ZDHHC18: variants seen among roughly 807,000 people sequenced by gnomAD.
ZDHHC18 encodes the protein palmitoyltransferase ZDHHC18.
Under a neutral mutation model 37.5 loss-of-function variants are expected in ZDHHC18, and 23 were observed. The ratio of observed to expected loss-of-function variants is 0.61; its 90% CI spans 0.44 to 0.87. The LOEUF (loss-of-function observed/expected upper bound fraction) is 0.87, where lower values mean the gene tolerates loss of function less well. Among genes scored for constraint, ZDHHC18 ranks in the 40% least tolerant of loss-of-function variants. ZDHHC18 has a pLI of 0.00. For missense variants in ZDHHC18, 406 were observed against 525.6 expected (o/e 0.77, Z 2.22); for synonymous variants, 185 against 218.7 (o/e 0.85, Z 1.36).
chr1:26,835,223 A>ACAG (rs1557641036), intron 2 of ZDHHC18, among the ~76,000 whole-genome samples: 1 of 152,232 alleles, frequency 6.6e-6, no homozygotes, highest in East Asian at 1.9e-4. Flanking sequence ...TAGGGATATT[A>ACAG]GAGATATTCC....
chr1:26,832,561 G>T lies in ZDHHC18; in HGVS notation c.450G>T (p.Leu150=), dbSNP rs1447466300. 3 of 1,614,156 alleles carry T rather than the reference G, an allele frequency of 1.9e-6. No individual in the cohort carries two copies. The highest frequency in any genetic ancestry group is 2.5e-6 in the Non-Finnish European group (3 of 1,180,020). The part of the protein sequence containing the change: ...LQTSFTDPGI[L]PRATVCEAAA... ...CAAGCTTCACCGACCCTGGGATCCTGCCCCGGGCCACTGTCTGTGAAGCAG... is the reference window on the plus strand; with the variant it reads ...CAAGCTTCACCGACCCTGGGATCCTTCCCCGGGCCACTGTCTGTGAAGCAG... The change falls in exon 2 of 8, where the codon CTG becomes CTT. Residue 150 remains leucine (L), a synonymous_variant. Transcript: ENST00000374142.
intron 2 of ZDHHC18, among the ~76,000 whole-genome samples, chr1:26,846,574 G>A (rs909246313): frequency 4.0e-5 from 6 of 151,312 alleles, no homozygotes; most frequent in Non-Finnish European, 8.8e-5. Flanking sequence ...GCCTGCCTCG[G>A]CCTCCCAAAG....
At position 26,834,155 on chromosome 1, in the gene ZDHHC18, A is replaced by G. The variant is rs537940045; in HGVS notation, c.496+1548A>G. ...TCAGGGCTAATCATGAGGCAGGATT[A>G]TTGTCCAGCTCAGCCGGACCCAGAG... is the stretch of plus-strand genomic sequence containing the variant. On this transcript the variant is annotated intron_variant, in intron 2 of 7. Transcript: ENST00000374142. 1.3e-4 allele frequency among the ~76,000 whole-genome samples: 20 copies of G among 152,288 alleles called. No homozygotes were observed. The South Asian group carries it at 4.1e-3, about 32-fold the overall frequency.
chr1:26,848,803 A>T (rs1220733711), intron 3 of ZDHHC18, 46 bp downstream of exon 3: 2 of 1,590,804 alleles, frequency 1.3e-6, no homozygotes, highest in African/African-American at 2.7e-5. Context: ...CCTGAGAGAG[A>T]CTGAGTCGTG....
At chr1:26,837,209 C>T (rs1265958925) in intron 2 of ZDHHC18, among the ~76,000 whole-genome samples, 4 of 146,852 alleles carry the variant, frequency 2.7e-5, no homozygotes, top group East Asian at 2.0e-4. Flanking sequence ...GCCGAGATGG[C>T]GCCACTGCAC....
chr1:26,851,009 A>G lies in ZDHHC18; in HGVS notation c.834-120A>G, dbSNP rs1327265652. ...AAGAAGTGGGGACTGGGCCACAGGAAGGTTCCAAAACTTCTCAGCTCTCTG... is the reference window on the plus strand; with the variant it reads ...AAGAAGTGGGGACTGGGCCACAGGAGGGTTCCAAAACTTCTCAGCTCTCTG... On this transcript the variant is annotated intron_variant, in intron 5 of 7. Coordinates refer to ENST00000374142, the MANE Select transcript of ZDHHC18 (RefSeq NM_032283.3). 6 of 935,712 alleles carry G rather than the reference A, an allele frequency of 6.4e-6. No homozygotes were observed. In the Admixed American group the frequency reaches 1.0e-4, roughly 16 times the overall value. The allele number at this position is 935,712 out of a possible 1,614,324, so 58.0% of individuals were successfully genotyped here.
intron 1 of ZDHHC18, among the ~76,000 whole-genome samples, chr1:26,830,665 G>A (rs976654753): frequency 3.3e-5 from 5 of 152,176 alleles, no homozygotes; most frequent in South Asian, 2.1e-4. Context: ...GTTATTTACC[G>A]GGTACGTCCT....
chr1:26,830,845 C>T (rs1238482115), intron 1 of ZDHHC18, among the ~76,000 whole-genome samples: 2 of 152,154 alleles, frequency 1.3e-5, no homozygotes, highest in African/African-American at 4.8e-5. Context: ...TGCAATGGCA[C>T]GATCTCGGCT....
rs1415476075 is a variant in ZDHHC18, at chr1:26,850,388, C to A, written c.734C>A (p.Ser245Ter). The A allele has an allele frequency of 1.2e-6, 2 of 1,614,156 alleles. No individual in the cohort carries two copies. The highest frequency in any genetic ancestry group is 2.7e-5 in the African/African-American group (2 of 74,954). The part of the protein sequence containing the change: ...RFFYAFILSL[S>*]FLTAFIFACV... Reference sequence around the variant, plus strand: ...TTCTACGCGTTTATTCTCTCCCTCTCATTCCTGACGGCCTTCATCTTCGCC... The same window carrying A: ...TTCTACGCGTTTATTCTCTCCCTCTAATTCCTGACGGCCTTCATCTTCGCC... Residue 245 changes from serine (S) to a stop codon, truncating the protein, a stop_gained, in exon 4 of 8, where the codon TCA becomes TAA. Coordinates refer to ENST00000374142, the MANE Select transcript of ZDHHC18 (RefSeq NM_032283.3). LOFTEE classifies it high-confidence loss of function. This position sits in a 1 kb window ranked among gnomAD's most constrained non-coding sequence, Gnocchi z 6.1.
At chr1:26,849,690 G>C (rs1440298319) in intron 3 of ZDHHC18, among the ~76,000 whole-genome samples, 1 of 152,234 alleles carries the variant, frequency 6.6e-6, no homozygotes, top group Non-Finnish European at 1.5e-5. Flanking sequence ...CCTTTGACCT[G>C]GCCTGTGATG....
chr1:26,835,836 C>T (rs2081609067), intron 2 of ZDHHC18, among the ~76,000 whole-genome samples: 1 of 152,198 alleles, frequency 6.6e-6, no homozygotes, highest in African/African-American at 2.4e-5. Flanking sequence ...TTACCTGGTC[C>T]TAGGCTCATG....
chr1:26,840,684 C>T (rs550327460), intron 2 of ZDHHC18, among the ~76,000 whole-genome samples: 9 of 152,008 alleles, frequency 5.9e-5, no homozygotes, highest in South Asian at 2.1e-4. Context: ...TCAGGTGATC[C>T]GCCTGCCTCG....
At chr1:26,851,278 G>C in intron 6 of ZDHHC18, 47 bp downstream of exon 6, 1 of 1,572,788 alleles carries the variant, frequency 6.4e-7, no homozygotes, top group Non-Finnish European at 8.8e-7. Flanking sequence ...GCGCCCTCAG[G>C]AGGAGGCAGG....
intron 2 of ZDHHC18, among the ~76,000 whole-genome samples, chr1:26,835,570 G>A (rs753588528): frequency 3.3e-5 from 5 of 152,104 alleles, no homozygotes; most frequent in African/African-American, 4.8e-5. Context: ...GCATGGTGGC[G>A]TGTGCCTGTA....
chr1:26,826,777 C>A lies in ZDHHC18; in HGVS notation c.-28C>A, dbSNP rs1049163308. 42 of 971,658 alleles carry A rather than the reference C, an allele frequency of 4.3e-5. No individual in the cohort carries two copies. The highest frequency in any genetic ancestry group is 6.4e-5 in the Admixed American group (1 of 15,708). 60.2% of individuals were successfully genotyped at this position (971,658 alleles called of 1,614,324 possible). A position where few individuals can be genotyped will look rare whatever the true frequency, so the allele number is the denominator to read the frequency against. On this transcript the variant is annotated 5_prime_UTR_variant, in exon 1 of 8. Coordinates refer to ENST00000374142, the MANE Select transcript of ZDHHC18 (RefSeq NM_032283.3). The surrounding 1 kb of genome is among the most constrained non-coding windows in gnomAD (Gnocchi z 5.2). ...GGAGTGGCCCGGCCGGCCCGCGGGG[C>A]GCGGAGCCGAGGCCCGCGGCTGGCT...
intron 2 of ZDHHC18, among the ~76,000 whole-genome samples, chr1:26,846,564 G>A (rs917981220): frequency 2.7e-5 from 4 of 150,294 alleles, no homozygotes; most frequent in African/African-American, 7.3e-5. Flanking sequence ...CTCATGATCC[G>A]CCTGCCTCGG....
chr1:26,834,825 T>G (rs2081603965), intron 2 of ZDHHC18, among the ~76,000 whole-genome samples: 2 of 152,226 alleles, frequency 1.3e-5, no homozygotes, highest in Admixed American at 1.3e-4. Flanking sequence ...ATTTGTGTGT[T>G]AATTCTATAT....
chr1:26,848,110 C>G (rs913471509), intron 2 of ZDHHC18, among the ~76,000 whole-genome samples: 2 of 152,104 alleles, frequency 1.3e-5, no homozygotes, highest in Non-Finnish European at 2.9e-5. Context: ...GTCAGGAGTT[C>G]AGACCAGCCT....
At chr1:26,847,938 T>G (rs1262332493) in intron 2 of ZDHHC18, among the ~76,000 whole-genome samples, 1 of 152,226 alleles carries the variant, frequency 6.6e-6, no homozygotes, top group Non-Finnish European at 1.5e-5. Flanking sequence ...GACTTTTTCC[T>G]CATTGTGTTA....
Sources: allele counts gnomAD v4.1 joint callset (sites outside exome capture counted in the v4.1 genomes callset), GRCh38; gene constraint gnomAD v4.1.1; non-coding constraint Gnocchi (gnomAD v3.1); transcripts MANE v1.5; gene names NCBI Gene and HGNC (gene_info 2026-07-23, HGNC 2026-07-21).